The following PVT1 variants were observed in gnomAD, a reference collection of about 807,000 sequenced individuals.
The protein encoded by PVT1 is Pvt1 oncogene, also known as CXCR4/PVT1 fusion.
intron 2 of PVT1, among the ~76,000 whole-genome samples, chr8:127,820,508 G>A (rs947694664): frequency 2.0e-4 from 30 of 152,148 alleles, no homozygotes; most frequent in African/African-American, 6.5e-4. Context: ...TCAACAATGT[G>A]CCTGGAATGC....
intron 2 of PVT1, among the ~76,000 whole-genome samples, chr8:127,816,714 A>T (rs1261158363): frequency 1.3e-5 from 2 of 151,632 alleles, no homozygotes; most frequent in Non-Finnish European, 2.9e-5. Flanking sequence ...AGTAGAGATG[A>T]GGTTTCACCA....
chr8:127,802,277 G>A (rs1814473737), intron 2 of PVT1, among the ~76,000 whole-genome samples: 1 of 152,056 alleles, frequency 6.6e-6, no homozygotes, highest in Non-Finnish European at 1.5e-5. Context: ...GCAGTGATGT[G>A]TTCATAGATC....
At chr8:128,013,320 G>A (rs1817336425) in intron 4 of PVT1, among the ~76,000 whole-genome samples, 1 of 152,120 alleles carries the variant, frequency 6.6e-6, no homozygotes, top group African/African-American at 2.4e-5. Context: ...CTTGCTTAAT[G>A]GTGTTGTTAT....
intron 4 of PVT1, among the ~76,000 whole-genome samples, chr8:127,996,246 T>C (rs1436692161): frequency 6.6e-6 from 1 of 152,032 alleles, no homozygotes; most frequent in Non-Finnish European, 1.5e-5. Context: ...GTTCTCTCCC[T>C]CCTTCCCAGG....
In PVT1 at chr8:128,053,370, T is replaced by C. The variant is rs1586499583; in HGVS notation, n.913-16790T>C. Among the ~76,000 whole-genome samples, 5 of 150,808 alleles carry C rather than the reference T, an allele frequency of 3.3e-5. 1 individual carries two copies. In the East Asian group the frequency reaches 7.8e-4, roughly 23 times the overall value. The stretch of plus-strand genomic sequence containing the variant: ...TCTTGGAGGGCTATATATACATATA[T>C]ATATACACACACACACACATATATA... On this transcript the variant is annotated intron_variant and non_coding_transcript_variant, in intron 4 of 10. Coordinates refer to ENST00000651587, the Ensembl canonical transcript of PVT1.
At chr8:128,016,314 C>T (rs1017713150) in intron 4 of PVT1, among the ~76,000 whole-genome samples, 1 of 148,572 alleles carries the variant, frequency 6.7e-6, no homozygotes, top group Non-Finnish European at 1.5e-5. Flanking sequence ...TAACCATTCT[C>T]TGCCATAAAT....
At chr8:127,857,040 A>G (rs1815169022) in intron 2 of PVT1, among the ~76,000 whole-genome samples, 1 of 151,990 alleles carries the variant, frequency 6.6e-6, no homozygotes. Context: ...AGCCTGGCCA[A>G]CATGGCGAAA....
intron 3 of PVT1, among the ~76,000 whole-genome samples, chr8:127,980,549 G>A (rs1816871453): frequency 6.6e-6 from 1 of 152,052 alleles, no homozygotes; most frequent in Non-Finnish European, 1.5e-5. Context: ...TTTTCTCAGG[G>A]AGGGGGCTCT....
At chr8:128,021,766 A>G (rs571098462) in intron 4 of PVT1, among the ~76,000 whole-genome samples, 1 of 152,326 alleles carries the variant, frequency 6.6e-6, no homozygotes, top group East Asian at 1.9e-4. Flanking sequence ...TTAATGAACA[A>G]CTGCAGGCAA....
intron 2 of PVT1, among the ~76,000 whole-genome samples, chr8:127,885,195 T>C (rs1027795466): frequency 4.6e-5 from 7 of 151,812 alleles, no homozygotes; most frequent in African/African-American, 1.7e-4. Context: ...GAGGAGTGAG[T>C]GTGTGCAGTC....
intron 2 of PVT1, among the ~76,000 whole-genome samples, chr8:127,882,648 T>C (rs1815481253): frequency 6.6e-6 from 1 of 152,048 alleles, no homozygotes; most frequent in South Asian, 2.1e-4. Flanking sequence ...CACGCCCAGC[T>C]AATTTTTGTA....
intron 5 of PVT1, among the ~76,000 whole-genome samples, chr8:128,091,820 C>T (rs1814358162): frequency 6.6e-6 from 1 of 152,112 alleles, no homozygotes; most frequent in African/African-American, 2.4e-5. Flanking sequence ...TCATAAGCAC[C>T]CCACAGGTGT....
intron 4 of PVT1, among the ~76,000 whole-genome samples, chr8:127,991,865 T>C (rs118122980): frequency 0.019 from 2,928 of 152,180 alleles, 42 homozygotes; most frequent in South Asian, 0.035. Context: ...TCTGTACCTG[T>C]CTAGAAATCA....
chr8:127,827,897 G>A (rs967946220), intron 2 of PVT1, among the ~76,000 whole-genome samples: 3 of 152,036 alleles, frequency 2.0e-5, no homozygotes, highest in Admixed American at 1.3e-4. Context: ...CCTCAGCACC[G>A]TTGTAACATC....
chr8:127,886,511 T>G (rs1029957133), intron 2 of PVT1, among the ~76,000 whole-genome samples: 1 of 152,174 alleles, frequency 6.6e-6, no homozygotes, highest in Admixed American at 6.5e-5. Context: ...ATTTTTCAAA[T>G]TTTTTTCTGT....
At chr8:128,015,243 A>G (rs1448886650) in intron 4 of PVT1, among the ~76,000 whole-genome samples, 1 of 151,890 alleles carries the variant, frequency 6.6e-6, no homozygotes. Flanking sequence ...GCGTGCACCA[A>G]CACATCAGGC....
intron 4 of PVT1, among the ~76,000 whole-genome samples, chr8:128,018,650 G>A (rs989289454): frequency 1.3e-5 from 2 of 152,210 alleles, no homozygotes; most frequent in Admixed American, 6.5e-5. Flanking sequence ...GCTTCAGCTC[G>A]TCTGTGACCT....
chr8:128,096,959 C>G (rs1814437276), intron 6 of PVT1, among the ~76,000 whole-genome samples: 1 of 152,238 alleles, frequency 6.6e-6, no homozygotes, highest in Non-Finnish European at 1.5e-5. Context: ...TTTCCTCTGC[C>G]TCCCCAGGCT....
chr8:128,082,600 C>G (rs1814201522), intron 5 of PVT1, among the ~76,000 whole-genome samples: 2 of 152,224 alleles, frequency 1.3e-5, no homozygotes. Flanking sequence ...CTTATCCCAA[C>G]CTGGTGACTG....
Sources: allele counts gnomAD v4.1 joint callset (sites outside exome capture counted in the v4.1 genomes callset), GRCh38; gene constraint gnomAD v4.1.1; transcripts MANE v1.5; gene names NCBI Gene and HGNC (gene_info 2026-07-23, HGNC 2026-07-21).